Variants in TDP1 observed in about 807,000 individuals in gnomAD.
The protein encoded by TDP1 is tyrosyl-DNA phosphodiesterase 1.
Under a neutral mutation model 81.5 loss-of-function variants are expected in TDP1, and 64 were observed. The observed-to-expected ratio is 0.79, with a 90% confidence interval of 0.64 to 0.97. The LOEUF is 0.97. Ranked by LOEUF, TDP1 falls within the 50% of genes least tolerant of loss-of-function variation. TDP1 has a pLI of 0.00. For synonymous variants in TDP1, 256 were observed against 264.3 expected, an observed-to-expected ratio of 0.97 and a Z score of 0.30; for missense variants, 723 against 743.8, an observed-to-expected ratio of 0.97 and a Z score of 0.33.
At chr14:90,015,900 C>A (rs1276687234) in intron 14 of TDP1, among the ~76,000 whole-genome samples, 1 of 152,164 alleles carries the variant, frequency 6.6e-6, no homozygotes, top group Non-Finnish European at 1.5e-5. Context: ...CACAAACATT[C>A]AGTTCCTAAC....
intron 15 of TDP1, among the ~76,000 whole-genome samples, chr14:90,027,122 T>C (rs1033172256): frequency 2.0e-5 from 3 of 152,196 alleles, no homozygotes; most frequent in Non-Finnish European, 4.4e-5. Context: ...CTAGCACCTC[T>C]TGTTTCCTGA....
chr14:90,018,209 C>T (rs1885548649), intron 14 of TDP1, among the ~76,000 whole-genome samples: 1 of 152,094 alleles, frequency 6.6e-6, no homozygotes, highest in Admixed American at 6.5e-5. Flanking sequence ...CACAGTCATC[C>T]ACAAAGTCAG....
In TDP1 at chr14:90,007,433, A is replaced by G. The variant is rs35665058; in HGVS notation, c.1542-11883A>G. On this transcript the variant is annotated intron_variant, in intron 14 of 16. Coordinates refer to ENST00000335725, the MANE Select transcript of TDP1 (RefSeq NM_018319.4). ...GTGAAACCCTGTCTCTACTAAAAAT[A>G]TAAAAATTAGCTGGGCATGGTAGCT... 5.5e-4 allele frequency among the ~76,000 whole-genome samples: 83 copies of G among 152,236 alleles called. No homozygotes were observed. The East Asian group carries it at 0.016, about 29-fold the overall frequency.
At chr14:90,026,499 T>C (rs1309389211) in intron 15 of TDP1, among the ~76,000 whole-genome samples, 2 of 152,268 alleles carry the variant, frequency 1.3e-5, no homozygotes, top group Non-Finnish European at 2.9e-5. Flanking sequence ...CTAGGGTTCA[T>C]GTGCACAACG....
chr14:89,988,281 T>C (rs1284490025), intron 10 of TDP1, among the ~76,000 whole-genome samples: 2 of 152,134 alleles, frequency 1.3e-5, no homozygotes, highest in Non-Finnish European at 2.9e-5. Flanking sequence ...CATGGTTGAT[T>C]ACATCACTGG....
chr14:90,004,505 A>G (rs1277768309), intron 14 of TDP1, among the ~76,000 whole-genome samples: 1 of 152,248 alleles, frequency 6.6e-6, no homozygotes, highest in Non-Finnish European at 1.5e-5. Flanking sequence ...TTTTAGAGAT[A>G]TGAAAACTAA....
At chr14:89,990,570 T>A (rs922909282) in intron 12 of TDP1, among the ~76,000 whole-genome samples, 22 of 139,964 alleles carry the variant, frequency 1.6e-4, no homozygotes, top group East Asian at 6.0e-4. Context: ...TTTTTTTTTT[T>A]AATGGCAAAA....
rs34965123 is a variant in TDP1, at chr14:89,994,992, G to A, written c.1541+1509G>A. 4.6e-5 allele frequency among the ~76,000 whole-genome samples: 7 copies of A among 152,322 alleles called. No homozygotes were observed. In the East Asian group the frequency reaches 1.3e-3, roughly 29 times the overall value. ...TTAAGTCAAAAAACATCCACTGTCA[G>A]TTTACTCATTTAATATTTGTCAGTT... On this transcript the variant is annotated intron_variant, in intron 14 of 16. Coordinates refer to ENST00000335725, the MANE Select transcript of TDP1 (RefSeq NM_018319.4).
intron 15 of TDP1, among the ~76,000 whole-genome samples, chr14:90,030,029 C>T (rs192223297): frequency 5.3e-5 from 8 of 152,272 alleles, no homozygotes; most frequent in East Asian, 1.9e-4. Flanking sequence ...ATTTCATAAA[C>T]GAGGAAACCA....
intron 15 of TDP1, among the ~76,000 whole-genome samples, chr14:90,021,321 G>T (rs1161117860): frequency 6.6e-6 from 1 of 152,162 alleles, no homozygotes; most frequent in Admixed American, 6.5e-5. Context: ...AAACAATGAA[G>T]TCACATCACT....
chr14:90,011,592 A>AG (rs1460030907), intron 14 of TDP1, among the ~76,000 whole-genome samples: 2 of 152,192 alleles, frequency 1.3e-5, no homozygotes, highest in Non-Finnish European at 2.9e-5. Flanking sequence ...ACTGGGGCAT[A>AG]GGGGACTCTT....
chr14:90,043,098 TG>T lies in TDP1; in HGVS notation c.1783del (p.Val595SerfsTer21), dbSNP rs1462779631. The T allele has an allele frequency of 3.1e-6, 5 of 1,614,096 alleles. No homozygotes were observed. On this transcript the variant is annotated frameshift_variant, in exon 17 of 17. Transcript: ENST00000335725. LOFTEE classifies it high-confidence loss of function. Reference protein sequence around the residue: ...DRPWIWNIPYVKAPDTHGNMW... With the variant: ...DRPWIWNIPYXKAPDTHGNMW... ...GGCCATGGATATGGAACATTCCTTA[TG>T]TCAAAGCACCGGATACGCATGGGAA...
chr14:89,963,702 G>A (rs752651172), intron 3 of TDP1, 29 bp downstream of exon 3: 31 of 1,612,984 alleles, frequency 1.9e-5, no homozygotes, highest in Non-Finnish European at 5.9e-6. Context: ...TCAAGGAGCT[G>A]TTGAATTGCC....
chr14:89,962,763 T>C (rs1263599792), intron 2 of TDP1: 1 of 215,124 alleles, frequency 4.6e-6, no homozygotes, highest in African/African-American at 2.4e-5. Flanking sequence ...TTCCAGCTAT[T>C]CGAGAGGATG....
At position 90,033,219 on chromosome 14, in the gene TDP1, G is replaced by A. The variant is rs1194026459; in HGVS notation, c.1753+5G>A. 6.4e-7 allele frequency: 1 copy of A among 1,553,868 alleles called. No individual in the cohort carries two copies. Among genetic ancestry groups the A allele is most frequent in the South Asian group, 1.1e-5 (1 of 89,734 alleles). On this transcript the variant is annotated splice_donor_5th_base_variant and intron_variant, in intron 16 of 16. Transcript: ENST00000335725. ...CAGAACTGTATGGAAGTAAAGGTGA[G>A]ACACAGATAAAGGAAAACCACGGGT...
chr14:90,000,965 T>C (rs1897137728), intron 14 of TDP1, among the ~76,000 whole-genome samples: 1 of 152,204 alleles, frequency 6.6e-6, no homozygotes, highest in Non-Finnish European at 1.5e-5. Context: ...TTGTTAAAAA[T>C]AATAGTCCTA....
intron 7 of TDP1, among the ~76,000 whole-genome samples, chr14:89,979,812 A>G (rs1226207569): frequency 1.3e-5 from 2 of 152,106 alleles, no homozygotes; most frequent in African/African-American, 2.4e-5. Flanking sequence ...TCTCACTGCA[A>G]TTAAAATAAG....
At chr14:90,031,361 A>G (rs948093046) in intron 15 of TDP1, among the ~76,000 whole-genome samples, 5 of 150,388 alleles carry the variant, frequency 3.3e-5, no homozygotes, top group Non-Finnish European at 5.9e-5. Flanking sequence ...ATGCGGACAA[A>G]CACAGAAATT....
intron 14 of TDP1, among the ~76,000 whole-genome samples, chr14:90,005,474 GTTCT>G (rs1897589356): frequency 6.6e-6 from 1 of 152,118 alleles, no homozygotes; most frequent in African/African-American, 2.4e-5. Flanking sequence ...CCATATCATA[GTTCT>G]GTTAAAAGCA....
Sources: allele counts gnomAD v4.1 joint callset (sites outside exome capture counted in the v4.1 genomes callset), GRCh38; gene constraint gnomAD v4.1.1; transcripts MANE v1.5; gene names NCBI Gene and HGNC (gene_info 2026-07-23, HGNC 2026-07-21).